Variants in COX10 observed in about 807,000 individuals in gnomAD.
The protein encoded by COX10 is protoheme IX farnesyltransferase, mitochondrial.
Under a neutral mutation model 37.3 loss-of-function variants are expected in COX10, and 27 were observed. The ratio of observed to expected loss-of-function variants is 0.72; its 90% CI spans 0.53 to 1.00. The LOEUF (loss-of-function observed/expected upper bound fraction) is 1.00. COX10 is among the 50% of genes least tolerant of loss of function. The probability of loss-of-function intolerance (pLI) is 0.00; values close to 1 mark genes in which losing one functional copy is unlikely to be tolerated. For missense variants in COX10, 475 were observed against 563.2 expected (o/e 0.84, Z 1.59); for synonymous variants, 222 against 229.1 (o/e 0.97, Z 0.28).
intron 5 of COX10, among the ~76,000 whole-genome samples, chr17:14,190,099 G>A (rs1373415347): frequency 6.6e-6 from 1 of 152,186 alleles, no homozygotes; most frequent in African/African-American, 2.4e-5. Flanking sequence ...GTATAAGAGG[G>A]AAGGGCATCT....
intron 5 of COX10, among the ~76,000 whole-genome samples, chr17:14,163,349 G>A (rs1269285471): frequency 6.6e-6 from 1 of 151,946 alleles, no homozygotes; most frequent in Non-Finnish European, 1.5e-5. Flanking sequence ...CCACCTCCCA[G>A]GTTCAAGCGA....
chr17:14,147,885 G>A (rs1484640883), intron 4 of COX10, among the ~76,000 whole-genome samples: 3 of 151,716 alleles, frequency 2.0e-5, no homozygotes, highest in East Asian at 3.9e-4. Flanking sequence ...ACTATCCAGA[G>A]ACAAGGATTG....
intron 4 of COX10, among the ~76,000 whole-genome samples, chr17:14,129,724 G>A (rs1234260246): frequency 6.6e-6 from 1 of 152,148 alleles, no homozygotes; most frequent in Non-Finnish European, 1.5e-5. Context: ...CAGGCTGTTT[G>A]TGCCTAACAA....
intron 3 of COX10, among the ~76,000 whole-genome samples, chr17:14,085,032 C>A (rs952051911): frequency 6.6e-6 from 1 of 152,162 alleles, no homozygotes; most frequent in Admixed American, 6.5e-5. Context: ...GTTAGCAGTA[C>A]AGCCTCTGGA....
At chr17:14,088,237 C>T (rs1192491692) in intron 3 of COX10, among the ~76,000 whole-genome samples, 1 of 152,114 alleles carries the variant, frequency 6.6e-6, no homozygotes, top group Non-Finnish European at 1.5e-5. Context: ...AATGTAGTGA[C>T]CCAGTCCTCA....
intron 3 of COX10, among the ~76,000 whole-genome samples, chr17:14,093,321 G>A (rs560297972): frequency 6.6e-5 from 10 of 152,220 alleles, no homozygotes; most frequent in Admixed American, 5.9e-4. Context: ...GGAAGATGTA[G>A]CTGACCCATT....
At chr17:14,192,376 G>A (rs1238815501) in intron 6 of COX10, among the ~76,000 whole-genome samples, 155 bp downstream of exon 6, 2 of 152,190 alleles carry the variant, frequency 1.3e-5, no homozygotes, top group Admixed American at 1.3e-4. Flanking sequence ...TGTGGACGCA[G>A]AGTAAAGAGA....
At chr17:14,119,726 G>A (rs983467318) in intron 4 of COX10, among the ~76,000 whole-genome samples, 1 of 152,168 alleles carries the variant, frequency 6.6e-6, no homozygotes, top group East Asian at 1.9e-4. Flanking sequence ...AGGAAGCGTG[G>A]TTTAGAAAAA....
intron 4 of COX10, among the ~76,000 whole-genome samples, chr17:14,119,212 T>C (rs1225458334): frequency 1.3e-5 from 2 of 152,208 alleles, no homozygotes; most frequent in Non-Finnish European, 2.9e-5. Flanking sequence ...CTCTCTGCTC[T>C]TGTGATTGCC....
chr17:14,198,513 C>T (rs1379972037), intron 6 of COX10, among the ~76,000 whole-genome samples: 1 of 152,102 alleles, frequency 6.6e-6, no homozygotes, highest in Non-Finnish European at 1.5e-5. Flanking sequence ...TTTGCAGTTG[C>T]CTTTGGCTTG....
At chr17:14,195,337 T>C (rs895870484) in intron 6 of COX10, among the ~76,000 whole-genome samples, 2 of 152,226 alleles carry the variant, frequency 1.3e-5, no homozygotes, top group African/African-American at 4.8e-5. Context: ...TATGGTCTTA[T>C]ATTGCTAAGT....
At chr17:14,124,065 C>T (rs1425931663) in intron 4 of COX10, among the ~76,000 whole-genome samples, 5 of 152,262 alleles carry the variant, frequency 3.3e-5, no homozygotes, top group Admixed American at 6.5e-5. Context: ...TCACATTTCT[C>T]ACTCCTGTCA....
intron 5 of COX10, chr17:14,177,055 A>T: frequency 2.5e-6 from 1 of 393,808 alleles, no homozygotes; most frequent in Non-Finnish European, 4.5e-6. Flanking sequence ...CATTTGTTTC[A>T]TTTTCCCAAG....
At chr17:14,132,030 C>T (rs549944421) in intron 4 of COX10, among the ~76,000 whole-genome samples, 3 of 151,968 alleles carry the variant, frequency 2.0e-5, no homozygotes, top group African/African-American at 7.2e-5. Flanking sequence ...TTTAAAAATA[C>T]TTTCATTTGC....
intron 5 of COX10, among the ~76,000 whole-genome samples, chr17:14,187,299 A>G (rs1483060993): frequency 6.6e-6 from 1 of 152,180 alleles, no homozygotes. Flanking sequence ...TTATCCCAAC[A>G]TGCTTTTTGA....
At chr17:14,192,289 T>G in intron 6 of COX10, 68 bp downstream of exon 6, 1 of 1,613,932 alleles carries the variant, frequency 6.2e-7, no homozygotes, top group South Asian at 1.1e-5. Context: ...CTCCCTGAGC[T>G]GTAGCACTTG....
chr17:14,121,112 G>C (rs921595087), intron 4 of COX10, among the ~76,000 whole-genome samples: 14 of 152,224 alleles, frequency 9.2e-5, no homozygotes, highest in Middle Eastern at 3.4e-3. Flanking sequence ...TTTCAGTTCT[G>C]AAAATGTATT....
At position 14,207,351 on chromosome 17, in the gene COX10, G is replaced by T; in HGVS notation, c.*138G>T. On this transcript the variant is annotated 3_prime_UTR_variant, in exon 7 of 7. Coordinates refer to ENST00000261643, the MANE Select transcript of COX10 (RefSeq NM_001303.4). ...TTCGGTGCTCAGTGATCACTTGACA[G>T]TTTTTTTTTTTTTTAAATATTACCC... 1.0e-5 allele frequency: 9 copies of T among 891,302 alleles called. No individual in the cohort carries two copies. Among genetic ancestry groups the T allele is most frequent in the East Asian group, 3.0e-5 (1 of 33,078 alleles). The allele number at this position is 891,302 out of a possible 1,614,324, so 55.2% of individuals were successfully genotyped here.
At chr17:14,127,959 GTGTGT>G in intron 4 of COX10, among the ~76,000 whole-genome samples, 1 of 150,590 alleles carries the variant, frequency 6.6e-6, no homozygotes, top group South Asian at 2.1e-4. Flanking sequence ...GTGTGTGTGT[GTGTGT>G]GGTTTTTAAA....
Sources: gnomAD v4.1 joint callset for allele counts (sites outside exome capture counted in the v4.1 genomes callset) on GRCh38, gnomAD v4.1.1 for gene constraint, MANE v1.5 for transcripts, NCBI Gene and HGNC (gene_info 2026-07-23, HGNC 2026-07-21) for gene names.